LMO7: variants seen among roughly 807,000 people sequenced by gnomAD.
LMO7 encodes LIM domain only protein 7.
Under a neutral mutation model 206.5 loss-of-function variants are expected in LMO7, and 120 were observed. The ratio of observed to expected loss-of-function variants is 0.58; its 90% CI spans 0.50 to 0.68. The LOEUF is 0.68. Among genes scored for constraint, LMO7 ranks in the 30% least tolerant of loss-of-function variants. The pLI is 0.00. For synonymous variants in LMO7, 706 were observed against 681.5 expected (o/e 1.04, Z -0.56); for missense variants, 1,959 against 1,957.9 (o/e 1.00, Z -0.01).
chr13:75,856,757 AGT>A, intron 30 of LMO7, 149 bp downstream of exon 30: 1 of 588,408 alleles, frequency 1.7e-6, no homozygotes, highest in Non-Finnish European at 3.1e-6. Context: ...CCCTTCAAAG[AGT>A]GTGTATAGTG....
chr13:75,805,998 G>A (rs1196356253), intron 9 of LMO7: 1 of 1,194,492 alleles, frequency 8.4e-7, no homozygotes. Flanking sequence ...TAGTAGTTCT[G>A]TTTTTCTCCA....
intron 6 of LMO7, among the ~76,000 whole-genome samples, chr13:75,799,140 C>G (rs1165931323): frequency 1.3e-5 from 2 of 152,178 alleles, no homozygotes; most frequent in African/African-American, 4.8e-5. Flanking sequence ...CACATGAAAT[C>G]TCCTTGAAAT....
chr13:75,713,340 A>G, intron 2 of LMO7, 88 bp downstream of exon 2: 1 of 830,244 alleles, frequency 1.2e-6, no homozygotes, highest in Admixed American at 2.5e-5. Context: ...TCCCATGGCC[A>G]CCGTAGTCAC....
chr13:75,754,984 T>C (rs1216619349), intron 3 of LMO7, among the ~76,000 whole-genome samples: 1 of 152,230 alleles, frequency 6.6e-6, no homozygotes, highest in Non-Finnish European at 1.5e-5. Context: ...GGAGGTGGAA[T>C]GTAACCCTAC....
intron 17 of LMO7, 60 bp from the exon 18 acceptor site, chr13:75,835,173 C>T (rs1383646883): frequency 7.5e-6 from 12 of 1,598,366 alleles, no homozygotes; most frequent in Non-Finnish European, 1.0e-5. Flanking sequence ...GACCAACCTT[C>T]CCTGCCATTT....
At chr13:75,835,531 G>A (rs1036417326) in intron 18 of LMO7, among the ~76,000 whole-genome samples, 192 bp downstream of exon 18, 1 of 152,144 alleles carries the variant, frequency 6.6e-6, no homozygotes. Flanking sequence ...ATTCCTCATA[G>A]AGTAGTTGTG....
chr13:75,760,448 G>T (rs148090977), intron 3 of LMO7: 21 of 1,166,996 alleles, frequency 1.8e-5, no homozygotes, highest in East Asian at 8.8e-5. Context: ...TTCCACAGTC[G>T]TTCTGTAATT....
chr13:75,631,110 T>C (rs866207502), intron 2 of LMO7, among the ~76,000 whole-genome samples: 2 of 152,214 alleles, frequency 1.3e-5, no homozygotes, highest in Non-Finnish European at 2.9e-5. Context: ...CACTGCAACC[T>C]CTGCTTTCCG....
exon 1 of LMO7, chr13:75,621,728 T>C: frequency 6.3e-7 from 1 of 1,597,256 alleles, no homozygotes; most frequent in Non-Finnish European, 8.5e-7. Flanking sequence ...ATTTTCACGT[T>C]TTACAGTTGG....
At chr13:75,636,830 G>A in intron 1 of LMO7, 104 bp downstream of exon 1, 2 of 1,162,948 alleles carry the variant, frequency 1.7e-6, no homozygotes, top group South Asian at 2.6e-5. Context: ...AGCCTCCTTC[G>A]GCGACCCAGC....
rs78888618 is a variant in LMO7, at chr13:75,642,187, A to G, written c.69+5461A>G. ...GATATGTCAAAGTATTTCCTGAGGA[A>G]CTGGGAGGGTTCCAGTGCAGTGTCA... On this transcript the variant is annotated intron_variant, in intron 1 of 30. Transcript: ENST00000377534. 8.9e-3 allele frequency among the ~76,000 whole-genome samples: 1,353 copies of G among 152,312 alleles called. 20 individuals carry two copies. The highest frequency in any genetic ancestry group is 0.03 in the African/African-American group (1,242 of 41,578).
chr13:75,632,701 G>C (rs574249614), upstream of LMO7, among the ~76,000 whole-genome samples: 1 of 152,282 alleles, frequency 6.6e-6, no homozygotes, highest in Non-Finnish European at 1.5e-5. Context: ...TTTAAATAGT[G>C]TAATGTATGT....
At chr13:75,659,130 G>T (rs1342544219) in intron 1 of LMO7, among the ~76,000 whole-genome samples, 2 of 152,042 alleles carry the variant, frequency 1.3e-5, no homozygotes. Flanking sequence ...TAATAGTAAT[G>T]GGTCAAAAAT....
In LMO7 at chr13:75,859,539, C is replaced by T. The variant is rs965961363; in HGVS notation, c.*1596C>T. 2.6e-5 allele frequency: 4 copies of T among 151,942 alleles called. No individual in the cohort carries two copies. The highest frequency in any genetic ancestry group is 4.8e-5 in the African/African-American group (2 of 41,362). 9.4% of individuals were successfully genotyped at this position (151,942 alleles called of 1,614,324 possible). A position where few individuals can be genotyped will look rare whatever the true frequency, so the allele number is the denominator to read the frequency against. ...ATTACTGTGTATTTTTCACTTGTTT[C>T]TAAGATCAAACATTTTAATATGTGC... On this transcript the variant is annotated 3_prime_UTR_variant, in exon 31 of 31. Coordinates refer to ENST00000377534, the MANE Select transcript of LMO7 (RefSeq NM_001306080.2).
At chr13:75,751,004 T>C (rs2047222242) in intron 3 of LMO7, among the ~76,000 whole-genome samples, 1 of 152,140 alleles carries the variant, frequency 6.6e-6, no homozygotes, top group Admixed American at 6.5e-5. Context: ...ACATACTTGC[T>C]AACATTTTTG....
intron 1 of LMO7, among the ~76,000 whole-genome samples, chr13:75,711,615 A>G (rs1280816526): frequency 6.6e-6 from 1 of 151,044 alleles, no homozygotes; most frequent in Non-Finnish European, 1.5e-5. Context: ...GGTGCGCTGC[A>G]CCCCCCCTGT....
At chr13:75,742,061 A>G (rs2046457330) in intron 3 of LMO7, among the ~76,000 whole-genome samples, 1 of 152,206 alleles carries the variant, frequency 6.6e-6, no homozygotes, top group South Asian at 2.1e-4. Context: ...ACAAAAATCT[A>G]GCATTCCTAT....
chr13:75,639,400 C>T (rs2036291737), intron 1 of LMO7, among the ~76,000 whole-genome samples: 1 of 152,168 alleles, frequency 6.6e-6, no homozygotes, highest in Non-Finnish European at 1.5e-5. Flanking sequence ...GATCGCTCAA[C>T]ATAATGATAT....
intron 2 of LMO7, among the ~76,000 whole-genome samples, chr13:75,716,215 T>C (rs2138210861): frequency 6.6e-6 from 1 of 152,330 alleles, no homozygotes; most frequent in Admixed American, 6.5e-5. Context: ...ACTGGTGTTC[T>C]GAAATATCAA....
Sources: gnomAD v4.1 joint callset for allele counts (sites outside exome capture counted in the v4.1 genomes callset) on GRCh38, gnomAD v4.1.1 for gene constraint, MANE v1.5 for transcripts, NCBI Gene and HGNC (gene_info 2026-07-23, HGNC 2026-07-21) for gene names.